The following MCPH1 variants were observed in gnomAD, a reference collection of about 807,000 sequenced individuals.
MCPH1 encodes the protein microcephalin 1.
Under a neutral mutation model 84.5 loss-of-function variants are expected in MCPH1, and 104 were observed. The observed-to-expected ratio is 1.23, with a 90% CI of 1.05 to 1.45. The LOEUF (loss-of-function observed/expected upper bound fraction) is 1.45, where lower values mean the gene tolerates loss of function less well. Ranked by LOEUF, MCPH1 falls within the 40% of genes most tolerant of loss-of-function variation. The probability of loss-of-function intolerance (pLI) is 0.00; values close to 1 mark genes in which losing one functional copy is unlikely to be tolerated. For synonymous variants in MCPH1, 514 were observed against 366.8 expected, an observed-to-expected ratio of 1.40 and a Z score of -4.58; for missense variants, 1,498 against 1,005.7, an observed-to-expected ratio of 1.49 and a Z score of -6.62.
At chr8:6,408,765 G>A (rs1798106785) in intron 1 of MCPH1, among the ~76,000 whole-genome samples, 1 of 151,896 alleles carries the variant, frequency 6.6e-6, no homozygotes, top group Non-Finnish European at 1.5e-5. Context: ...GTTTCACTAT[G>A]TTGCCCAGGC....
chr8:6,407,697 T>C (rs1202678440), intron 1 of MCPH1, among the ~76,000 whole-genome samples: 2 of 152,236 alleles, frequency 1.3e-5, no homozygotes, highest in African/African-American at 4.8e-5. Context: ...GGTTTTCTTT[T>C]AGCGTTACCC....
chr8:6,643,138 G>C lies in MCPH1; in HGVS notation c.*89G>C. The C allele has an allele frequency of 8.8e-7, 1 of 1,142,484 alleles. No individual in the cohort carries two copies. The highest frequency in any genetic ancestry group is 1.3e-6 in the Non-Finnish European group (1 of 761,568). The allele number at this position is 1,142,484 out of a possible 1,614,324, so 70.8% of individuals were successfully genotyped here. A position where few individuals can be genotyped will look rare whatever the true frequency, so the allele number is the denominator to read the frequency against. On this transcript the variant is annotated 3_prime_UTR_variant, in exon 14 of 14. Coordinates refer to ENST00000344683, the MANE Select transcript of MCPH1 (RefSeq NM_024596.5). ...TGAGAAACAAAACTGTGAAGAGAAG[G>C]AACTGGCGTATACAAGATGACTTCT...
intron 3 of MCPH1, among the ~76,000 whole-genome samples, chr8:6,425,340 A>C (rs1800901730): frequency 6.6e-6 from 1 of 152,220 alleles, no homozygotes; most frequent in African/African-American, 2.4e-5. Context: ...AGAAAAATAG[A>C]AATCTAACTG....
chr8:6,607,432 A>G lies in MCPH1; in HGVS notation c.2215-14022A>G, dbSNP rs142890596. Among the ~76,000 whole-genome samples the G allele has an allele frequency of 5.9e-5, 9 of 152,310 alleles. No homozygotes were observed. In the East Asian group the frequency reaches 1.5e-3, roughly 26 times the overall value. On this transcript the variant is annotated intron_variant, in intron 12 of 13. Transcript: ENST00000344683. ...TGTGATAACTCCTGAGTCACATGAA[A>G]CACATACTAAATATGTGTGCCTGTT...
At chr8:6,564,997 C>G (rs1826034444) in intron 12 of MCPH1, among the ~76,000 whole-genome samples, 1 of 152,118 alleles carries the variant, frequency 6.6e-6, no homozygotes, top group Non-Finnish European at 1.5e-5. Context: ...ATGATTCCAC[C>G]AAGGTTCTGG....
chr8:6,606,630 G>C lies in MCPH1; in HGVS notation c.2215-14824G>C, dbSNP rs76782352. On this transcript the variant is annotated intron_variant, in intron 12 of 13. Coordinates refer to ENST00000344683, the MANE Select transcript of MCPH1 (RefSeq NM_024596.5). ...AATGGAGATATTCTAGTAAGGAGGAGAGTGTATGTGAGAAGGTGTATGTGA... is the reference window on the plus strand; with the variant it reads ...AATGGAGATATTCTAGTAAGGAGGACAGTGTATGTGAGAAGGTGTATGTGA... Among the ~76,000 whole-genome samples the C allele has an allele frequency of 4.7e-3, 713 of 152,314 alleles. 3 individuals are homozygous for C. The highest frequency in any genetic ancestry group is 8.3e-3 in the Non-Finnish European group (566 of 68,014).
intron 13 of MCPH1, chr8:6,624,828 A>G (rs1224863384): frequency 1.0e-6 from 1 of 984,996 alleles, no homozygotes; most frequent in African/African-American, 1.8e-5. Flanking sequence ...TGCCTCATCC[A>G]GGTCCAGGCT....
At chr8:6,461,225 C>T (rs902601800) in intron 9 of MCPH1, among the ~76,000 whole-genome samples, 1 of 151,712 alleles carries the variant, frequency 6.6e-6, no homozygotes, top group Non-Finnish European at 1.5e-5. Flanking sequence ...TGGTGTAATG[C>T]CCATTTTTAA....
chr8:6,514,721 C>T lies in MCPH1; in HGVS notation c.2214+14792C>T, dbSNP rs1298908128. 3 of 1,614,168 alleles carry T rather than the reference C, an allele frequency of 1.9e-6. No homozygotes were observed. Among genetic ancestry groups the T allele is most frequent in the Admixed American group, 1.7e-5 (1 of 60,022 alleles). ...GTCCTCTGAAAATCAACGCTGCCAT[C>T]CTCACGTCGCTGAATAATTGTCCAC... On this transcript the variant is annotated intron_variant, in intron 12 of 13. Coordinates refer to ENST00000344683, the MANE Select transcript of MCPH1 (RefSeq NM_024596.5).
intron 12 of MCPH1, chr8:6,501,708 A>T (rs1812225464): frequency 6.6e-6 from 1 of 151,938 alleles, no homozygotes; most frequent in Non-Finnish European, 1.5e-5. Context: ...GGTGCCCGCC[A>T]GCACGCCTGG....
chr8:6,631,498 C>G (rs1461340541), intron 13 of MCPH1, among the ~76,000 whole-genome samples: 1 of 151,646 alleles, frequency 6.6e-6, no homozygotes, highest in African/African-American at 2.4e-5. Context: ...TCAAACTGAG[C>G]AAAGAACTTG....
At chr8:6,535,697 G>A (rs1288367623) in intron 12 of MCPH1, among the ~76,000 whole-genome samples, 1 of 152,108 alleles carries the variant, frequency 6.6e-6, no homozygotes, top group Non-Finnish European at 1.5e-5. Flanking sequence ...GAAGTCTTTG[G>A]GAGAAGAATG....
chr8:6,442,646 A>G (rs917730657), intron 7 of MCPH1, among the ~76,000 whole-genome samples: 2 of 152,216 alleles, frequency 1.3e-5, no homozygotes, highest in African/African-American at 4.8e-5. Flanking sequence ...ACGCACATAC[A>G]TGTTTGTAAT....
intron 8 of MCPH1, chr8:6,447,251 G>T (rs1048189156): frequency 1.3e-5 from 13 of 985,374 alleles, no homozygotes; most frequent in Middle Eastern, 5.2e-4. Flanking sequence ...CTCTCTTTGG[G>T]AATCTATCTT....
intron 12 of MCPH1, among the ~76,000 whole-genome samples, chr8:6,619,842 G>A (rs930058862): frequency 2.0e-5 from 3 of 151,990 alleles, no homozygotes; most frequent in Non-Finnish European, 4.4e-5. Flanking sequence ...CCTCAGCCTC[G>A]CAAAGTGCTG....
chr8:6,446,363 G>C (rs1453618703), intron 8 of MCPH1: 1 of 984,480 alleles, frequency 1.0e-6, no homozygotes, highest in Non-Finnish European at 1.2e-6. Context: ...TGATTTCTCT[G>C]CTCTACAAAT....
At chr8:6,566,386 C>T (rs191469219) in intron 12 of MCPH1, among the ~76,000 whole-genome samples, 2 of 150,830 alleles carry the variant, frequency 1.3e-5, no homozygotes, top group Admixed American at 1.3e-4. Context: ...GCAGCAACCA[C>T]CGTGTGTGGT....
chr8:6,413,753 CTTTTTTTT>C (rs1164464040), intron 2 of MCPH1, among the ~76,000 whole-genome samples: 7 of 144,902 alleles, frequency 4.8e-5, no homozygotes, highest in Non-Finnish European at 9.1e-5. Flanking sequence ...AATACAGTAT[CTTTTTTTT>C]TTTTTTTTTT....
At chr8:6,572,585 G>A (rs1445843106) in intron 12 of MCPH1, among the ~76,000 whole-genome samples, 2 of 152,288 alleles carry the variant, frequency 1.3e-5, no homozygotes, top group South Asian at 4.1e-4. Context: ...GTTAAAGACC[G>A]ACGTGCACAC....
Sources: allele counts gnomAD v4.1 joint callset (sites outside exome capture counted in the v4.1 genomes callset), GRCh38; gene constraint gnomAD v4.1.1; transcripts MANE v1.5; gene names NCBI Gene and HGNC (gene_info 2026-07-23, HGNC 2026-07-21).